The following TCHP variants were observed in gnomAD, a reference collection of about 807,000 sequenced individuals.
TCHP encodes trichoplein keratin filament binding.
A neutral mutation model predicts 88.7 loss-of-function variants in TCHP; 81 were observed. The ratio of observed to expected loss-of-function variants is 0.91; its 90% CI spans 0.76 to 1.10. The LOEUF (loss-of-function observed/expected upper bound fraction) is 1.10, where lower values mean the gene tolerates loss of function less well. Among genes scored for constraint, TCHP ranks in the 50% least tolerant of loss-of-function variants. TCHP has a pLI of 0.00. For synonymous variants in TCHP, 232 were observed against 232.5 expected (o/e 1.00, Z 0.02); for missense variants, 641 against 632.1 (o/e 1.01, Z -0.15).
chr12:109,902,322 C>A (rs148225359), intron 1 of TCHP, among the ~76,000 whole-genome samples: 9 of 152,182 alleles, frequency 5.9e-5, no homozygotes, highest in African/African-American at 1.9e-4. Context: ...AGGCGCACCA[C>A]CACTCCTGGC....
At chr12:109,887,125 T>C in the TCHP span, among the ~76,000 whole-genome samples, 1 of 152,182 alleles carries the variant, frequency 6.6e-6, no homozygotes, top group Non-Finnish European at 1.5e-5. Flanking sequence ...TCTATCCGTA[T>C]TGAAAACCAT....
the TCHP span, among the ~76,000 whole-genome samples, chr12:109,886,591 G>A: frequency 6.6e-6 from 1 of 151,858 alleles, no homozygotes; most frequent in African/African-American, 2.4e-5. Flanking sequence ...TACTTTCCCT[G>A]CCCTGGTCTC....
At chr12:109,899,070 G>C (rs7955408), upstream of TCHP, among the ~76,000 whole-genome samples, 40,664 of 151,792 alleles carry the variant, frequency 0.27, 7,918 homozygotes, top group African/African-American at 0.56. Context: ...CCACCCTCCT[G>C]GGCCTCCCAA....
At chr12:109,899,725 T>C (rs186503827), upstream of TCHP, among the ~76,000 whole-genome samples, 126 of 152,352 alleles carry the variant, frequency 8.3e-4, no homozygotes, top group African/African-American at 2.8e-3. Flanking sequence ...CTGGGGAATT[T>C]TGGAAAACAC....
chr12:109,884,039 A>G, the TCHP span, among the ~76,000 whole-genome samples: 1 of 152,150 alleles, frequency 6.6e-6, no homozygotes, highest in Non-Finnish European at 1.5e-5. Flanking sequence ...TCAAAAGGGC[A>G]CTATTAGTCA....
the TCHP span, among the ~76,000 whole-genome samples, chr12:109,891,424 C>T: frequency 6.7e-6 from 1 of 149,390 alleles, no homozygotes; most frequent in Non-Finnish European, 1.5e-5. Flanking sequence ...GTCTCACTCA[C>T]TCTGTCGCTC....
chr12:109,884,760 G>C, the TCHP span, among the ~76,000 whole-genome samples: 1 of 152,056 alleles, frequency 6.6e-6, no homozygotes, highest in African/African-American at 2.4e-5. Context: ...ACAGTCACAA[G>C]GTTTCCTTCC....
chr12:109,904,208 C>G (rs779570018), intron 3 of TCHP, 61 bp downstream of exon 3: 1 of 1,469,806 alleles, frequency 6.8e-7, no homozygotes, highest in South Asian at 1.2e-5. Context: ...CTGAGTGTGT[C>G]GCACATGTAG....
the TCHP span, among the ~76,000 whole-genome samples, chr12:109,886,758 G>A: frequency 3.9e-5 from 6 of 151,986 alleles, no homozygotes; most frequent in Non-Finnish European, 7.4e-5. Context: ...GCCCAGGCTG[G>A]AGTGCAATGG....
At chr12:109,891,037 C>T in the TCHP span, among the ~76,000 whole-genome samples, 1 of 152,176 alleles carries the variant, frequency 6.6e-6, no homozygotes, top group Non-Finnish European at 1.5e-5. Context: ...GGTTTTGAAC[C>T]CCTAGGGTAT....
At chr12:109,885,040 C>T in the TCHP span, among the ~76,000 whole-genome samples, 1 of 152,228 alleles carries the variant, frequency 6.6e-6, no homozygotes, top group Non-Finnish European at 1.5e-5. Flanking sequence ...ACGATCTTGG[C>T]TCACTGCAAC....
chr12:109,914,692 G>A, intron 11 of TCHP, 65 bp downstream of exon 11: 1 of 1,437,130 alleles, frequency 7.0e-7, no homozygotes. Context: ...TCATGGGACA[G>A]GGTTCAGAGC....
At position 109,915,532 on chromosome 12, in the gene TCHP, G is replaced by A; in HGVS notation, c.1450G>A (p.Gly484Ser). 1 of 1,613,570 alleles carries A rather than the reference G, an allele frequency of 6.2e-7. No homozygotes were observed. Among genetic ancestry groups the A allele is most frequent in the Non-Finnish European group, 8.5e-7 (1 of 1,179,706 alleles). The change falls in exon 12 of 13, where the codon GGC (glycine) becomes AGC (serine). Residue 484 changes from glycine (G) to serine (S), a missense_variant. Physicochemically the swap from Gly to Ser is moderately conservative, Grantham distance 56 (BLOSUM62 0). Transcript: ENST00000405876. ...QQEAETMAEQ[G>S]YRPKPYGHPK... is the part of the protein sequence containing the mutation. ...GGAGGCGGAGACTATGGCTGAGCAG[G>A]GCTACCGGCCTAAGGTAGGAAGTCT...
the TCHP span, among the ~76,000 whole-genome samples, chr12:109,883,199 AT>A: frequency 0.011 from 1,417 of 127,682 alleles, 13 homozygotes; most frequent in South Asian, 0.018. Flanking sequence ...ATGCTACCCT[AT>A]TTTTTTTTTT....
rs143091693 is a variant in TCHP at position 109,913,043 on chromosome 12, C to T, written c.1105C>T (p.Arg369Cys). 28 of 1,613,820 alleles carry T rather than the reference C, an allele frequency of 1.7e-5. No individual in the cohort carries two copies. In the East Asian group the frequency reaches 3.8e-4, roughly 22 times the overall value. Residue 369 changes from arginine (R) to cysteine (C), a missense_variant, in exon 10 of 13, where the codon CGC becomes TGC. Physicochemically the swap from Arg to Cys is radical, Grantham distance 180. Transcript: ENST00000405876. ...EKREAEWARERSARDRLMSEV... is the reference protein window; with the variant it reads ...EKREAEWARECSARDRLMSEV... Reference sequence around the variant, plus strand: ...GAGAGAGGCAGAGTGGGCCCGAGAGCGCAGCGCACGGGACAGACTGATGAG... The same window carrying T: ...GAGAGAGGCAGAGTGGGCCCGAGAGTGCAGCGCACGGGACAGACTGATGAG...
In TCHP at chr12:109,915,473, G is replaced by C. The variant is rs755765744; in HGVS notation, c.1391G>C (p.Arg464Pro). The C allele has an allele frequency of 1.2e-6, 2 of 1,613,932 alleles. No homozygotes were observed. The highest frequency in any genetic ancestry group is 2.7e-5 in the African/African-American group (2 of 74,914). ...GAGGAGGAAGAGGAGGAGGCCCGGC[G>C]GGTCGAGCAGCTCTCAGATGCCCTG... ...QEEEEEEEAR[R>P]VEQLSDALLQ... Residue 464 changes from arginine to proline, a missense_variant, in exon 12 of 13, where the codon CGG (arginine) becomes CCG (proline). By Grantham distance (103) the Arg-to-Pro change is moderately radical. Coordinates refer to ENST00000405876, the MANE Select transcript of TCHP (RefSeq NM_001143852.2).
At chr12:109,916,540 G>A (rs1592916680) in intron 12 of TCHP, 51 bp from the exon 13 acceptor site, 1 of 1,548,642 alleles carries the variant, frequency 6.5e-7, no homozygotes. Context: ...AATTCCTCAT[G>A]CTGCAGATAC....
At chr12:109,898,914 G>A (rs148485354), upstream of TCHP, among the ~76,000 whole-genome samples, 517 of 152,284 alleles carry the variant, frequency 3.4e-3, 1 homozygote, top group Middle Eastern at 6.8e-3. Context: ...TGCCTCCCAG[G>A]TTCAAGCGAT....
rs568065026 is a variant in TCHP, at chr12:109,917,705, C to T, written c.*1082C>T. 8.5e-5 allele frequency: 13 copies of T among 152,680 alleles called. 1 individual carries two copies. In the South Asian group the frequency reaches 2.7e-3, roughly 32 times the overall value. 9.5% of individuals were successfully genotyped at this position (152,680 alleles called of 1,614,324 possible). A position where few individuals can be genotyped will look rare whatever the true frequency, so the allele number is the denominator to read the frequency against. On this transcript the variant is annotated 3_prime_UTR_variant, in exon 13 of 13. Transcript: ENST00000405876. ...TCTACAAACAGGAACAAGTTCCTTGCAGCAATAATATTATTTTATGACTTG... is the reference window on the plus strand; with the variant it reads ...TCTACAAACAGGAACAAGTTCCTTGTAGCAATAATATTATTTTATGACTTG...
Sources: allele counts gnomAD v4.1 joint callset (sites outside exome capture counted in the v4.1 genomes callset), GRCh38; gene constraint gnomAD v4.1.1; transcripts MANE v1.5; gene names NCBI Gene and HGNC (gene_info 2026-07-23, HGNC 2026-07-21).